The following GATAD1 variants were observed in gnomAD, a reference collection of about 807,000 sequenced individuals.
GATAD1 encodes the protein GATA zinc finger domain-containing protein 1.
A neutral mutation model predicts 26.5 loss-of-function variants in GATAD1; 12 were observed. The observed-to-expected ratio is 0.45, with a 90% confidence interval of 0.29 to 0.73. The LOEUF is 0.73. GATAD1 is among the 30% of genes least tolerant of loss of function. The pLI is 0.10. For missense variants in GATAD1, 266 were observed against 342.1 expected, an observed-to-expected ratio of 0.78 and a Z score of 1.75; for synonymous variants, 129 against 133.1, an observed-to-expected ratio of 0.97 and a Z score of 0.21.
At chr7:92,469,554 G>A in the GATAD1 span, 2 of 664,348 alleles carry the variant, frequency 3.0e-6, no homozygotes, top group Non-Finnish European at 2.7e-6. Flanking sequence ...AACAACGATA[G>A]GCTGAGGTAC....
the GATAD1 span, among the ~76,000 whole-genome samples, chr7:92,484,707 A>C: frequency 1.3e-5 from 2 of 152,304 alleles, no homozygotes; most frequent in African/African-American, 4.8e-5. Context: ...ACCTGATTTG[A>C]AATTGGTGAG....
intron 2 of GATAD1, chr7:92,449,680 T>C: frequency 1.2e-6 from 1 of 868,514 alleles, no homozygotes. Flanking sequence ...TTTCTTTTTT[T>C]TTTTTTAATT....
At chr7:92,491,544 AT>A in the GATAD1 span, 2 of 1,176,230 alleles carry the variant, frequency 1.7e-6, no homozygotes, top group Non-Finnish European at 2.6e-6. Context: ...GATGTAAACA[AT>A]TTTAGTCTCA....
rs2115904884 is a variant in GATAD1, at chr7:92,460,071, A to G, written c.*3509A>G. ...AAGCTTAATATGAGTATTTGAAGGAAATTATCCCAAACCATTCCAGTTCCT... is the reference window on the plus strand; with the variant it reads ...AAGCTTAATATGAGTATTTGAAGGAGATTATCCCAAACCATTCCAGTTCCT... On this transcript the variant is annotated 3_prime_UTR_variant, in exon 5 of 5. Transcript: ENST00000287957. Among the ~76,000 whole-genome samples the G allele has an allele frequency of 6.6e-6, 1 of 152,312 alleles. No homozygotes were observed. The highest frequency in any genetic ancestry group is 2.1e-4 in the South Asian group (1 of 4,816).
the GATAD1 span, among the ~76,000 whole-genome samples, chr7:92,476,339 C>A: frequency 6.6e-6 from 1 of 152,106 alleles, no homozygotes; most frequent in Non-Finnish European, 1.5e-5. Context: ...AAAGCAGTTG[C>A]GCTACCGACT....
downstream of GATAD1, chr7:92,461,514 G>A (rs2115910433): frequency 6.6e-6 from 1 of 152,318 alleles, no homozygotes; most frequent in South Asian, 2.1e-4. Context: ...GAAAGAGAAG[G>A]CAAGGAACTA....
chr7:92,456,342 T>A, intron 4 of GATAD1, 30 bp from the exon 5 acceptor site: 1 of 1,453,924 alleles, frequency 6.9e-7, no homozygotes, highest in Non-Finnish European at 9.5e-7. Flanking sequence ...GTCAAAAATG[T>A]ATTTAACCTT....
At chr7:92,481,819 G>A in the GATAD1 span, among the ~76,000 whole-genome samples, 1 of 152,222 alleles carries the variant, frequency 6.6e-6, no homozygotes, top group Non-Finnish European at 1.5e-5. Flanking sequence ...CCATGCCTAG[G>A]AGGGAAAGGA....
the GATAD1 span, chr7:92,468,765 C>T: frequency 4.1e-6 from 3 of 728,922 alleles, no homozygotes; most frequent in South Asian, 4.3e-5. Flanking sequence ...GACGACCGCT[C>T]TAACTGCTTC....
chr7:92,481,560 A>G, the GATAD1 span, among the ~76,000 whole-genome samples: 2 of 152,300 alleles, frequency 1.3e-5, no homozygotes, highest in African/African-American at 4.8e-5. Flanking sequence ...GCTACAGGGC[A>G]TGGTCCCGGT....
chr7:92,448,261 A>G (rs1789256258), intron 1 of GATAD1, among the ~76,000 whole-genome samples: 1 of 152,244 alleles, frequency 6.6e-6, no homozygotes, highest in African/African-American at 2.4e-5. Context: ...CCACAAATGC[A>G]GGCGCTGGAC....
At chr7:92,469,750 G>C in the GATAD1 span, 2 of 763,992 alleles carry the variant, frequency 2.6e-6, no homozygotes, top group African/African-American at 1.7e-5. Flanking sequence ...GTTTATTTCT[G>C]TGCTGAAGTT....
chr7:92,478,776 T>A, the GATAD1 span, among the ~76,000 whole-genome samples: 1 of 152,194 alleles, frequency 6.6e-6, no homozygotes, highest in Non-Finnish European at 1.5e-5. Context: ...AACTTTGATA[T>A]GCAAATGCAG....
chr7:92,475,723 C>A, the GATAD1 span, among the ~76,000 whole-genome samples: 4 of 152,332 alleles, frequency 2.6e-5, no homozygotes, highest in African/African-American at 7.2e-5. Context: ...GGTCCTTTAC[C>A]AGCATGCCCA....
At chr7:92,484,511 A>G in the GATAD1 span, among the ~76,000 whole-genome samples, 1 of 152,150 alleles carries the variant, frequency 6.6e-6, no homozygotes, top group African/African-American at 2.4e-5. Flanking sequence ...ACACCAAGGG[A>G]AGACTGTCTT....
the GATAD1 span, among the ~76,000 whole-genome samples, chr7:92,476,709 T>C: frequency 3.9e-4 from 60 of 152,124 alleles, no homozygotes; most frequent in African/African-American, 1.4e-3. Flanking sequence ...TCTGTCTCTC[T>C]TTTCCCTCAG....
At chr7:92,474,261 C>T in the GATAD1 span, among the ~76,000 whole-genome samples, 1 of 152,090 alleles carries the variant, frequency 6.6e-6, no homozygotes, top group African/African-American at 2.4e-5. Flanking sequence ...CTACGGCAGA[C>T]TTTTGAAGTT....
downstream of GATAD1, chr7:92,462,945 T>TGGTG (rs1789975069): frequency 6.6e-6 from 1 of 152,186 alleles, no homozygotes; most frequent in Non-Finnish European, 1.5e-5. Context: ...CAGGCTACGG[T>TGGTG]ATTTTGTTGC....
At chr7:92,490,632 CAAAAAAAAAAAA>C in the GATAD1 span, among the ~76,000 whole-genome samples, 1 of 79,656 alleles carries the variant, frequency 1.3e-5, no homozygotes, top group Non-Finnish European at 2.4e-5. Context: ...GAGACTGTCT[CAAAAAAAAAAAA>C]AAAAAAAAGC....
Sources: gnomAD v4.1 joint callset for allele counts (sites outside exome capture counted in the v4.1 genomes callset) on GRCh38, gnomAD v4.1.1 for gene constraint, MANE v1.5 for transcripts, NCBI Gene and HGNC (gene_info 2026-07-23, HGNC 2026-07-21) for gene names.